The following PITPNM2 variants were observed in gnomAD, a reference collection of about 807,000 sequenced individuals.
PITPNM2 encodes phosphatidylinositol transfer protein membrane associated 2, also known as membrane-associated phosphatidylinositol transfer protein 2.
PITPNM2 carries 35 observed loss-of-function variants against 132.2 expected under a neutral mutation model. The ratio of observed to expected loss-of-function variants is 0.26; its 90% CI spans 0.20 to 0.35. PITPNM2 has a LOEUF of 0.35. Ranked by LOEUF, PITPNM2 falls within the 10% of genes least tolerant of loss-of-function variation. PITPNM2 has a pLI of 1.00. For missense variants in PITPNM2, 1,332 were observed against 1,912.0 expected (o/e 0.70, Z 5.66); for synonymous variants, 738 against 799.2 (o/e 0.92, Z 1.29).
At position 123,050,804 on chromosome 12, in the gene PITPNM2, A is replaced by C. The variant is rs61955219; in HGVS notation, c.-95-16119T>G. On this transcript the variant is annotated intron_variant, in intron 2 of 25. Transcript: ENST00000320201. ...TTTACAGAGCTATTAGCTTCCCTTC[A>C]TCATGCCATAAAATCCTCCAGCCGA... Among the ~76,000 whole-genome samples the C allele has an allele frequency of 2.6e-3, 395 of 152,278 alleles. 1 individual carries two copies. Among genetic ancestry groups the C allele is most frequent in the Admixed American group, 5.6e-3 (86 of 15,302 alleles).
chr12:122,992,752 T>G lies in PITPNM2; in HGVS notation c.2234-83A>C. The G allele has an allele frequency of 8.8e-7, 1 of 1,133,284 alleles. No individual in the cohort carries two copies. The highest frequency in any genetic ancestry group is 1.3e-6 in the Non-Finnish European group (1 of 799,484). 70.2% of individuals were successfully genotyped at this position (1,133,284 alleles called of 1,614,324 possible). A position where few individuals can be genotyped will look rare whatever the true frequency, so the allele number is the denominator to read the frequency against. Reference sequence around the variant, plus strand: ...GGTGGGAAATTTGGGAACTGGGCACTGGGTTGTCTGCTGAAAGTTAGGGAT... The same window carrying G: ...GGTGGGAAATTTGGGAACTGGGCACGGGGTTGTCTGCTGAAAGTTAGGGAT... On this transcript the variant is annotated intron_variant, in intron 15 of 25. Transcript: ENST00000320201. The surrounding 1 kb of genome is among the most constrained non-coding windows in gnomAD (Gnocchi z 6.5).
chr12:123,120,409 G>A (rs1483989441), intron 1 of PITPNM2, among the ~76,000 whole-genome samples: 1 of 152,200 alleles, frequency 6.6e-6, no homozygotes, highest in Non-Finnish European at 1.5e-5. Flanking sequence ...CTTGTCAAGA[G>A]TGCCATAGGA....
rs773614649 is a variant in PITPNM2, at chr12:123,111,245, T to C, written c.-199-757A>G. 7.2e-5 allele frequency among the ~76,000 whole-genome samples: 11 copies of C among 152,168 alleles called. No homozygotes were observed. The highest frequency in any genetic ancestry group is 2.0e-4 in the Admixed American group (3 of 15,286). ...CACATTCTTGTTTGCCTGACACACATACAAGCCTCCTGACCCTGGGCCCAG... is the reference window on the plus strand; with the variant it reads ...CACATTCTTGTTTGCCTGACACACACACAAGCCTCCTGACCCTGGGCCCAG... On this transcript the variant is annotated intron_variant, in intron 1 of 25. Coordinates refer to ENST00000320201, the MANE Select transcript of PITPNM2 (RefSeq NM_020845.3). This position sits in a 1 kb window ranked among gnomAD's most constrained non-coding sequence, Gnocchi z 4.1.
Position 123,004,281 on chromosome 12 carries a change from G to T in PITPNM2, c.1048+113C>A. 1.0e-6 allele frequency: 1 copy of T among 964,864 alleles called. No homozygotes were observed. Among genetic ancestry groups the T allele is most frequent in the Non-Finnish European group, 1.6e-6 (1 of 623,330 alleles). The allele number at this position is 964,864 out of a possible 1,614,324, so 59.8% of individuals were successfully genotyped here. A position where few individuals can be genotyped will look rare whatever the true frequency, so the allele number is the denominator to read the frequency against. ...AGTGCAGGTATAGGGACTGGATATA[G>T]AATAGTAACAGGCAACACCCGCATC... On this transcript the variant is annotated intron_variant, in intron 8 of 25. Coordinates refer to ENST00000320201, the MANE Select transcript of PITPNM2 (RefSeq NM_020845.3). This position sits in a 1 kb window ranked among gnomAD's most constrained non-coding sequence, Gnocchi z 4.9.
At chr12:123,076,384 A>G (rs2041790741) in intron 2 of PITPNM2, among the ~76,000 whole-genome samples, 1 of 152,246 alleles carries the variant, frequency 6.6e-6, no homozygotes, top group Non-Finnish European at 1.5e-5. Context: ...GCAGTTTTAA[A>G]GAAACAGGGC....
chr12:123,057,112 G>A (rs1266709665), intron 2 of PITPNM2, among the ~76,000 whole-genome samples: 1 of 152,132 alleles, frequency 6.6e-6, no homozygotes, highest in African/African-American at 2.4e-5. Context: ...CAGGCGTGGT[G>A]GTTCACGCCT....
chr12:123,143,124 T>TCCCCCCCCCCCCCACC (rs1410359056), intron 1 of PITPNM2, among the ~76,000 whole-genome samples: 1 of 93,488 alleles, frequency 1.1e-5, no homozygotes, highest in Admixed American at 1.1e-4. Context: ...CCTATCCCCC[T>TCCCCCCCCCCCCCACC]CCCCCCTCCC....
chr12:123,062,632 C>CA (rs2041279335), intron 2 of PITPNM2, among the ~76,000 whole-genome samples: 1 of 152,152 alleles, frequency 6.6e-6, no homozygotes, highest in Non-Finnish European at 1.5e-5. Flanking sequence ...ATCCAATAAA[C>CA]AAATACATTG....
At chr12:123,011,288 C>T (rs2039193415) in intron 5 of PITPNM2, among the ~76,000 whole-genome samples, 1 of 152,242 alleles carries the variant, frequency 6.6e-6, no homozygotes, top group Non-Finnish European at 1.5e-5. Context: ...CCACCAAAAT[C>T]AGCAGGGTCA....
At position 123,049,712 on chromosome 12, in the gene PITPNM2, C is replaced by T. The variant is rs148414493; in HGVS notation, c.-95-15027G>A. ...TGAAGACTGCCTCCCTCCATCCCAG[C>T]ACAGGTGACAGGAGGGCAGGGAACT... On this transcript the variant is annotated intron_variant, in intron 2 of 25. Transcript: ENST00000320201. Among the ~76,000 whole-genome samples the T allele has an allele frequency of 5.3e-4, 81 of 152,334 alleles. No individual in the cohort carries two copies. The East Asian group carries it at 0.015, about 29-fold the overall frequency.
intron 2 of PITPNM2, among the ~76,000 whole-genome samples, chr12:123,100,022 T>C (rs1401339762): frequency 1.3e-5 from 2 of 152,208 alleles, no homozygotes; most frequent in Non-Finnish European, 2.9e-5. Flanking sequence ...CGCAGACACC[T>C]ACTCCTTTCT....
At chr12:123,015,298 A>C (rs1301505385) in intron 3 of PITPNM2, among the ~76,000 whole-genome samples, 1 of 152,186 alleles carries the variant, frequency 6.6e-6, no homozygotes. Flanking sequence ...TTACTACAAA[A>C]CTACAGTAAT....
In PITPNM2 at chr12:123,031,232, A is replaced by G. The variant is rs1167388261; in HGVS notation, c.78+3281T>C. Among the ~76,000 whole-genome samples, 1 of 152,268 alleles carries G rather than the reference A, an allele frequency of 6.6e-6. No homozygotes were observed. The highest frequency in any genetic ancestry group is 1.5e-5 in the Non-Finnish European group (1 of 68,044). On this transcript the variant is annotated intron_variant, in intron 3 of 25. Coordinates refer to ENST00000320201, the MANE Select transcript of PITPNM2 (RefSeq NM_020845.3). The surrounding 1 kb of genome is among the most constrained non-coding windows in gnomAD (Gnocchi z 4.5). ...AAAGAATTTCTTCCAAATGCTATAG[A>G]GACCTGATAGCCTGAGCCCCGTCCA...
chr12:123,053,728 C>T lies in PITPNM2; in HGVS notation c.-95-19043G>A, dbSNP rs950604588. On this transcript the variant is annotated intron_variant, in intron 2 of 25. Coordinates refer to ENST00000320201, the MANE Select transcript of PITPNM2 (RefSeq NM_020845.3). Reference sequence around the variant, plus strand: ...GATTACAGGCATGTGCCACCACGCCCGGCTAATTTTGTATTTTTTAGTAGA... The same window carrying T: ...GATTACAGGCATGTGCCACCACGCCTGGCTAATTTTGTATTTTTTAGTAGA... Among the ~76,000 whole-genome samples the T allele has an allele frequency of 6.6e-5, 10 of 152,174 alleles. No individual in the cohort carries two copies. In the East Asian group the frequency reaches 1.4e-3, roughly 21 times the overall value.
chr12:123,081,298 G>A (rs1049944485), intron 2 of PITPNM2: 1 of 152,280 alleles, frequency 6.6e-6, no homozygotes, highest in African/African-American at 2.4e-5. Flanking sequence ...TAATGACGTG[G>A]GTCTGGAACT....
chr12:123,054,922 G>T (rs1192634297), intron 2 of PITPNM2, among the ~76,000 whole-genome samples: 2 of 152,028 alleles, frequency 1.3e-5, no homozygotes, highest in Non-Finnish European at 2.9e-5. Flanking sequence ...AAATTAGCCC[G>T]GCATGGTGGG....
At chr12:123,146,086 A>G (rs899482686) in intron 1 of PITPNM2, among the ~76,000 whole-genome samples, 1 of 152,200 alleles carries the variant, frequency 6.6e-6, no homozygotes, top group Non-Finnish European at 1.5e-5. Context: ...GTTCTTACTT[A>G]TAAGTGGGAG....
intron 3 of PITPNM2, among the ~76,000 whole-genome samples, chr12:123,028,783 C>A (rs2039961582): frequency 6.6e-6 from 1 of 152,168 alleles, no homozygotes; most frequent in Non-Finnish European, 1.5e-5. Flanking sequence ...CTAGAGCGGG[C>A]ACAGACGGGC....
intron 2 of PITPNM2, among the ~76,000 whole-genome samples, chr12:123,065,968 G>A (rs544965875): frequency 6.6e-6 from 1 of 152,246 alleles, no homozygotes; most frequent in Non-Finnish European, 1.5e-5. Flanking sequence ...TGCTGGAGAC[G>A]TGGGGCAGAG....
Sources: allele counts gnomAD v4.1 joint callset (sites outside exome capture counted in the v4.1 genomes callset), GRCh38; gene constraint gnomAD v4.1.1; non-coding constraint Gnocchi (gnomAD v3.1); transcripts MANE v1.5; gene names NCBI Gene and HGNC (gene_info 2026-07-23, HGNC 2026-07-21).